Variants in SPEF1 observed in about 807,000 individuals in gnomAD.
SPEF1 encodes the protein sperm flagellar and cilia associated 1.
In SPEF1, 30 loss-of-function variants were observed where a neutral mutation model predicts 31.8. The ratio of observed to expected loss-of-function variants is 0.94; its 90% CI spans 0.70 to 1.28. The LOEUF (loss-of-function observed/expected upper bound fraction) is 1.28. Ranked by LOEUF, SPEF1 falls within the 50% of genes most tolerant of loss-of-function variation. SPEF1 has a pLI of 0.00. For missense variants in SPEF1, 298 were observed against 309.6 expected (o/e 0.96, Z 0.28); for synonymous variants, 126 against 130.1 (o/e 0.97, Z 0.21).
Position 3,779,251 on chromosome 20 carries a change from C to G in SPEF1, c.323G>C (p.Arg108Thr). 2 of 1,593,852 alleles carry G rather than the reference C, an allele frequency of 1.3e-6. No individual in the cohort carries two copies. Among genetic ancestry groups the G allele is most frequent in the Non-Finnish European group, 1.7e-6 (2 of 1,169,196 alleles). Reference sequence around the variant, plus strand: ...CCTCTGCCTCTCCTCCAGGCGCTGCCTCAGCGGGATGAGCACCAGCTCCAC... The same window carrying G: ...CCTCTGCCTCTCCTCCAGGCGCTGCGTCAGCGGGATGAGCACCAGCTCCAC... ...GVVELVLIPL[R>T]QRLEERQRRR... is the part of the protein sequence containing the mutation. The change falls in exon 3 of 7, where the codon AGG (arginine) becomes ACG (threonine). Residue 108 changes from arginine (R) to threonine (T), a missense_variant. Arg to Thr is a moderately conservative substitution (Grantham distance 71). Transcript: ENST00000379756.
chr20:3,777,926 A>G lies in SPEF1; in HGVS notation c.*286T>C, dbSNP rs755557714. On this transcript the variant is annotated 3_prime_UTR_variant, in exon 7 of 7. Coordinates refer to ENST00000379756, the MANE Select transcript of SPEF1 (RefSeq NM_015417.5). This position sits in a 1 kb window ranked among gnomAD's most constrained non-coding sequence, Gnocchi z 4.1. ...TGGACACTGCTTTGGGGGACAGGCT[A>G]GGTCTCTGCACGTGGCTTCTGGGCT... 1.1e-4 allele frequency: 41 copies of G among 379,220 alleles called. No individual in the cohort carries two copies. Among genetic ancestry groups the G allele is most frequent in the Non-Finnish European group, 1.7e-4 (35 of 208,084 alleles). The allele number at this position is 379,220 out of a possible 1,614,324, so 23.5% of individuals were successfully genotyped here. A position where few individuals can be genotyped will look rare whatever the true frequency, so the allele number is the denominator to read the frequency against.
In SPEF1 at chr20:3,778,127, TGGTCTATCCATC is replaced by T; in HGVS notation, c.*73_*84del. ...AGAGCAGCGGGCTCCGCCCTCCCAA[TGGTCTATCCATC>T]GGTGGGTGGGTCCGGCGCGGCGTCG... is the stretch of plus-strand genomic sequence containing the variant. On this transcript the variant is annotated 3_prime_UTR_variant, in exon 7 of 7. Coordinates refer to ENST00000379756, the MANE Select transcript of SPEF1 (RefSeq NM_015417.5). 2 of 971,916 alleles carry T rather than the reference TGGTCTATCCATC, an allele frequency of 2.1e-6. No homozygotes were observed. Among genetic ancestry groups the T allele is most frequent in the Non-Finnish European group, 3.0e-6 (2 of 672,886 alleles). 60.2% of individuals were successfully genotyped at this position (971,916 alleles called of 1,614,324 possible). A position where few individuals can be genotyped will look rare whatever the true frequency, so the allele number is the denominator to read the frequency against.
chr20:3,781,096 CACACAA>C, intron 1 of SPEF1, 77 bp downstream of exon 1: 1 of 1,570,070 alleles, frequency 6.4e-7, no homozygotes, highest in Non-Finnish European at 8.7e-7. Flanking sequence ...CTCCCACAAG[CACACAA>C]ACACAAAGAG....
rs758072839 is a variant in SPEF1, at chr20:3,781,168, A to G, written c.109+11T>C. On this transcript the variant is annotated intron_variant, in intron 1 of 6. Transcript: ENST00000379756. The stretch of plus-strand genomic sequence containing the variant: ...ACAGGACAGAACATGCAGACACACA[A>G]GGGCACACACCTCCATCGCTAAAGT... 3 of 1,613,954 alleles carry G rather than the reference A, an allele frequency of 1.9e-6. No homozygotes were observed. In the South Asian group the frequency reaches 3.3e-5, roughly 18 times the overall value.
rs772886788 is a variant in SPEF1, at chr20:3,779,305, C to A, written c.269G>T (p.Arg90Leu). The change falls in exon 3 of 7, where the codon CGC becomes CTC. Residue 90 changes from arginine to leucine, a missense_variant. Transcript: ENST00000379756. ...LNFSVPDDVM[R>L]KIAQCAPGVV... ...GCCTGGGGCGCACTGCGCGATCTTG[C>A]GCATCACGTCATCCGGTACTGAAAA... The A allele has an allele frequency of 3.4e-5, 54 of 1,600,188 alleles. No homozygotes were observed. The highest frequency in any genetic ancestry group is 4.4e-5 in the Non-Finnish European group (52 of 1,172,216).
chr20:3,780,445 C>CAG (rs945249601), intron 1 of SPEF1, among the ~76,000 whole-genome samples: 2 of 150,438 alleles, frequency 1.3e-5, no homozygotes, highest in African/African-American at 4.9e-5. Context: ...CACACACACA[C>CAG]ACACACTCCA....
chr20:3,779,289 G>T lies in SPEF1; in HGVS notation c.285C>A (p.Cys95Ter), dbSNP rs1333982825. 6.3e-7 allele frequency: 1 copy of T among 1,599,096 alleles called. No homozygotes were observed. The highest frequency in any genetic ancestry group is 8.5e-7 in the Non-Finnish European group (1 of 1,172,118). The stretch of plus-strand genomic sequence containing the variant: ...GCACCAGCTCCACCACGCCTGGGGC[G>T]CACTGCGCGATCTTGCGCATCACGT... ...PDDVMRKIAQ[C>*]APGVVELVLI... The change falls in exon 3 of 7, where the codon TGC becomes TGA. Residue 95 changes from cysteine (C) to a stop codon, truncating the protein, a stop_gained. Coordinates refer to ENST00000379756, the MANE Select transcript of SPEF1 (RefSeq NM_015417.5). LOFTEE classifies it high-confidence loss of function.
In SPEF1 at chr20:3,777,846, A is replaced by G. The variant is rs1299681239; in HGVS notation, c.*366T>C. ...GATTCTGGGGGTGTGGACAGAGCCA[A>G]GGGACCGCCCCCCAAGGCCCAGCGC... On this transcript the variant is annotated 3_prime_UTR_variant, in exon 7 of 7. Coordinates refer to ENST00000379756, the MANE Select transcript of SPEF1 (RefSeq NM_015417.5). This position sits in a 1 kb window ranked among gnomAD's most constrained non-coding sequence, Gnocchi z 4.1. The G allele has an allele frequency of 1.5e-5, 3 of 200,988 alleles. No homozygotes were observed. In the East Asian group the frequency reaches 3.7e-4, roughly 25 times the overall value. 12.5% of individuals were successfully genotyped at this position (200,988 alleles called of 1,614,324 possible).
chr20:3,780,416 GCACACA>G lies in SPEF1; in HGVS notation c.110-647_110-642del, dbSNP rs55996387. ...CAGGGAATTCACATGGATGCATGAT[GCACACA>G]CACACACACACACACACACACACAC... On this transcript the variant is annotated intron_variant, in intron 1 of 6. Transcript: ENST00000379756. Among the ~76,000 whole-genome samples the G allele has an allele frequency of 3.8e-3, 521 of 137,834 alleles. 4 individuals carry two copies. The highest frequency in any genetic ancestry group is 0.034 in the East Asian group (160 of 4,748). 90.4% of individuals were successfully genotyped at this position (137,834 alleles called of 152,430 possible). A position where few individuals can be genotyped will look rare whatever the true frequency, so the allele number is the denominator to read the frequency against.
chr20:3,778,512 G>T lies in SPEF1; in HGVS notation c.512C>A (p.Ala171Glu). Residue 171 changes from alanine to glutamate, a missense_variant, in exon 6 of 7, where the codon GCG becomes GAG. Ala to Glu is a moderately radical substitution (Grantham distance 107, BLOSUM62 -1). Coordinates refer to ENST00000379756, the MANE Select transcript of SPEF1 (RefSeq NM_015417.5). Reference sequence around the variant, plus strand: ...GTCGCCCTGCAACGCCCGGTTATACGCTGGAGGCCGAGGCGCCGGCGGCCG... The same window carrying T: ...GTCGCCCTGCAACGCCCGGTTATACTCTGGAGGCCGAGGCGCCGGCGGCCG... ...WDRPPAPRPPAYNRALQGDPS... is the reference protein window; with the variant it reads ...WDRPPAPRPPEYNRALQGDPS... 6.2e-7 allele frequency: 1 copy of T among 1,611,196 alleles called. No individual in the cohort carries two copies.
chr20:3,780,290 T>C (rs1268682079), intron 1 of SPEF1, among the ~76,000 whole-genome samples: 2 of 136,546 alleles, frequency 1.5e-5, no homozygotes, highest in African/African-American at 2.8e-5. Context: ...GCTGAGATCA[T>C]GCCACTGCAC....
chr20:3,779,201 A>C lies in SPEF1; in HGVS notation c.373T>G (p.Leu125Val). The C allele has an allele frequency of 6.4e-7, 1 of 1,571,802 alleles. No homozygotes were observed. Among genetic ancestry groups the C allele is most frequent in the Non-Finnish European group, 8.7e-7 (1 of 1,155,952 alleles). ...QRRRKQGAGS[L>V]QELAPQDGSG... ...AAGCTGGAGCGGGGTGGCACCTGTA[A>C]GGAGCCGGCGCCCTGCTTCCTGCGC... is the stretch of plus-strand genomic sequence containing the variant. Residue 125 changes from leucine to valine, a missense_variant, in exon 3 of 7, where the codon TTA becomes GTA. Transcript: ENST00000379756.
chr20:3,778,100 T>G lies in SPEF1; in HGVS notation c.*112A>C. 6 of 775,586 alleles carry G rather than the reference T, an allele frequency of 7.7e-6. No individual in the cohort carries two copies. The highest frequency in any genetic ancestry group is 1.2e-5 in the Non-Finnish European group (6 of 502,814). 48.0% of individuals were successfully genotyped at this position (775,586 alleles called of 1,614,324 possible). ...GGGCACTCGGGCCCCAGCAGGCTCGTGAGAGCAGCGGGCTCCGCCCTCCCA... is the reference window on the plus strand; with the variant it reads ...GGGCACTCGGGCCCCAGCAGGCTCGGGAGAGCAGCGGGCTCCGCCCTCCCA... On this transcript the variant is annotated 3_prime_UTR_variant, in exon 7 of 7. Transcript: ENST00000379756.
In SPEF1 at chr20:3,779,245, C is replaced by A. The variant is rs1251512015; in HGVS notation, c.329G>T (p.Arg110Leu). 2 of 1,590,584 alleles carry A rather than the reference C, an allele frequency of 1.3e-6. No homozygotes were observed. Among genetic ancestry groups the A allele is most frequent in the Admixed American group, 1.8e-5 (1 of 56,530 alleles). Residue 110 changes from arginine (R) to leucine (L), a missense_variant, in exon 3 of 7, where the codon CGC (arginine) becomes CTC (leucine). Transcript: ENST00000379756. ...CCTGCGCCTCTGCCTCTCCTCCAGG[C>A]GCTGCCTCAGCGGGATGAGCACCAG... ...VELVLIPLRQ[R>L]LEERQRRRKQ...
Position 3,779,226 on chromosome 20 carries a change from C to T in SPEF1, c.348G>A (p.Arg116=). Residue 116 remains arginine, a synonymous_variant, in exon 3 of 7, where the codon AGG becomes AGA. Coordinates refer to ENST00000379756, the MANE Select transcript of SPEF1 (RefSeq NM_015417.5). ...PLRQRLEERQ[R]RRKQGAGSLQ... is the part of the protein sequence containing the mutation. ...AGGAGCCGGCGCCCTGCTTCCTGCG[C>T]CTCTGCCTCTCCTCCAGGCGCTGCC... 1.3e-6 allele frequency: 2 copies of T among 1,584,136 alleles called. No individual in the cohort carries two copies. The highest frequency in any genetic ancestry group is 1.7e-6 in the Non-Finnish European group (2 of 1,163,364).
Position 3,779,402 on chromosome 20 carries a change from G to A in SPEF1, c.222-50C>T, listed in dbSNP as rs370264297. On this transcript the variant is annotated intron_variant, in intron 2 of 6. Coordinates refer to ENST00000379756, the MANE Select transcript of SPEF1 (RefSeq NM_015417.5). ...AGATTGGGTCCTGGGGAAATGAAGCGAGGGGATGGGGGAGAGGGAAGGGGG... is the reference window on the plus strand; with the variant it reads ...AGATTGGGTCCTGGGGAAATGAAGCAAGGGGATGGGGGAGAGGGAAGGGGG... 5.4e-4 allele frequency: 805 copies of A among 1,493,290 alleles called. 4 individuals are homozygous for A. The highest frequency in any genetic ancestry group is 5.4e-3 in the South Asian group (443 of 82,392). The allele number at this position is 1,493,290 out of a possible 1,614,324, so 92.5% of individuals were successfully genotyped here.
In SPEF1 at chr20:3,777,983, C is replaced by A; in HGVS notation, c.*229G>T. ...AGCGGTCCATTCTCCTGACCCGGATCTCCGGAGTGGTAGGAGGCGGCTCAG... is the reference window on the plus strand; with the variant it reads ...AGCGGTCCATTCTCCTGACCCGGATATCCGGAGTGGTAGGAGGCGGCTCAG... On this transcript the variant is annotated 3_prime_UTR_variant, in exon 7 of 7. Transcript: ENST00000379756. This position sits in a 1 kb window ranked among gnomAD's most constrained non-coding sequence, Gnocchi z 4.1. 1.9e-6 allele frequency: 1 copy of A among 515,874 alleles called. No individual in the cohort carries two copies. The highest frequency in any genetic ancestry group is 3.2e-5 in the East Asian group (1 of 30,856). 32.0% of individuals were successfully genotyped at this position (515,874 alleles called of 1,614,324 possible).
In SPEF1 at chr20:3,779,619, A is replaced by G; in HGVS notation, c.221+45T>C. On this transcript the variant is annotated intron_variant, in intron 2 of 6. Transcript: ENST00000379756. ...CACCAAAACAGTCTCAGCCTGGGCA[A>G]CCAAGACCATAGGAGATGATGGGGC... is the stretch of plus-strand genomic sequence containing the variant. 3 of 1,424,924 alleles carry G rather than the reference A, an allele frequency of 2.1e-6. No homozygotes were observed. In the South Asian group the frequency reaches 3.5e-5, roughly 16 times the overall value. The allele number at this position is 1,424,924 out of a possible 1,614,324, so 88.3% of individuals were successfully genotyped here.
In SPEF1 at chr20:3,779,001, C is replaced by T. The variant is rs991523800; in HGVS notation, c.379-11G>A. 3 of 1,614,164 alleles carry T rather than the reference C, an allele frequency of 1.9e-6. No homozygotes were observed. Among genetic ancestry groups the T allele is most frequent in the African/African-American group, 1.3e-5 (1 of 75,048 alleles). On this transcript the variant is annotated splice_polypyrimidine_tract_variant and intron_variant, in intron 3 of 6. Coordinates refer to ENST00000379756, the MANE Select transcript of SPEF1 (RefSeq NM_015417.5). ...CTGGGGAGCCAGCTCCTGAAAGAAC[C>T]CCGGGGGTCCGCTGTAAGCCCGGGC... is the stretch of plus-strand genomic sequence containing the variant.
Sources: gnomAD v4.1 joint callset for allele counts (sites outside exome capture counted in the v4.1 genomes callset) on GRCh38, gnomAD v4.1.1 for gene constraint, Gnocchi (gnomAD v3.1) non-coding constraint, MANE v1.5 for transcripts, NCBI Gene and HGNC (gene_info 2026-07-23, HGNC 2026-07-21) for gene names.